MYBPC1: variants seen among roughly 807,000 people sequenced by gnomAD.
MYBPC1 encodes myosin-binding protein C, slow-type.
MYBPC1 carries 52 observed loss-of-function variants against 147.1 expected under a neutral mutation model. That is an observed-to-expected ratio of 0.35 (90% confidence interval 0.28 to 0.45). The LOEUF (loss-of-function observed/expected upper bound fraction) is 0.45, where lower values mean the gene tolerates loss of function less well. Ranked by LOEUF, MYBPC1 falls within the 20% of genes least tolerant of loss-of-function variation. The pLI is 1.00. For missense variants in MYBPC1, 1,228 were observed against 1,440.3 expected, an observed-to-expected ratio of 0.85 and a Z score of 2.39; for synonymous variants, 477 against 475.9, an observed-to-expected ratio of 1.00 and a Z score of -0.03.
Position 101,662,394 on chromosome 12 carries a change from G to A in MYBPC1, c.2069G>A (p.Arg690Lys). ...GAGAGGAAGAAGAAACAAAGCTCCA[G>A]GTGGATGAGGCTGAATTTTGATCTC... Reference protein sequence around the residue: ...FIERKKKQSSRWMRLNFDLCK... With the variant: ...FIERKKKQSSKWMRLNFDLCK... Residue 690 changes from arginine to lysine, a missense_variant, in exon 21 of 32, where the codon AGG becomes AAG. Physicochemically the swap from Arg to Lys is conservative, Grantham distance 26. Coordinates refer to ENST00000361466, the MANE Select transcript of MYBPC1 (RefSeq NM_002465.4). The A allele has an allele frequency of 6.2e-7, 1 of 1,614,192 alleles. No homozygotes were observed. Among genetic ancestry groups the A allele is most frequent in the Non-Finnish European group, 8.5e-7 (1 of 1,180,030 alleles).
intron 3 of MYBPC1, among the ~76,000 whole-genome samples, chr12:101,618,341 T>C (rs7296699): frequency 0.16 from 24,116 of 152,204 alleles, 2,509 homozygotes; most frequent in African/African-American, 0.29. Flanking sequence ...GAGAGTAACA[T>C]GAATACTAAT....
chr12:101,681,667 G>A (rs1310313516), intron 29 of MYBPC1, among the ~76,000 whole-genome samples: 32 of 132,864 alleles, frequency 2.4e-4, no homozygotes, highest in Non-Finnish European at 4.0e-4. Flanking sequence ...GGAGTGGAAG[G>A]GTGCGATCTC....
intron 29 of MYBPC1, among the ~76,000 whole-genome samples, chr12:101,681,864 C>T (rs1253412704): frequency 1.3e-5 from 2 of 151,886 alleles, no homozygotes; most frequent in East Asian, 3.9e-4. Context: ...CTGCCTTGGC[C>T]TCTCAAAGTG....
At chr12:101,676,954 A>T (rs563772741) in intron 26 of MYBPC1, among the ~76,000 whole-genome samples, 1 of 152,310 alleles carries the variant, frequency 6.6e-6, no homozygotes, top group South Asian at 2.1e-4. Flanking sequence ...AGGTTATGAA[A>T]AAATATAAAG....
chr12:101,646,709 A>G (rs749749961), intron 12 of MYBPC1, 54 bp from the exon 13 acceptor site: 8 of 1,599,404 alleles, frequency 5.0e-6, no homozygotes, highest in Middle Eastern at 1.7e-4. Flanking sequence ...GCAATAAAGA[A>G]AAGAATAAAA....
At chr12:101,616,747 T>C (rs1409425137) in intron 2 of MYBPC1, among the ~76,000 whole-genome samples, 5 of 152,218 alleles carry the variant, frequency 3.3e-5, no homozygotes, top group African/African-American at 1.2e-4. Context: ...CAACATACAC[T>C]GCACACAATT....
chr12:101,620,583 T>C (rs1887144022), intron 3 of MYBPC1, among the ~76,000 whole-genome samples: 1 of 152,104 alleles, frequency 6.6e-6, no homozygotes, highest in Non-Finnish European at 1.5e-5. Flanking sequence ...AGTGGGATCA[T>C]ACTTTTTTTT....
At chr12:101,630,236 C>T (rs181300467) in intron 6 of MYBPC1, among the ~76,000 whole-genome samples, 72 of 152,284 alleles carry the variant, frequency 4.7e-4, no homozygotes, top group African/African-American at 1.6e-3. Context: ...TTCCTTTTTA[C>T]GGCTGGATAA....
intron 21 of MYBPC1, among the ~76,000 whole-genome samples, chr12:101,663,160 G>A (rs1335522334): frequency 6.6e-6 from 1 of 152,076 alleles, no homozygotes; most frequent in African/African-American, 2.4e-5. Context: ...CCCAAACCTT[G>A]CCTTCTTCAA....
At chr12:101,600,526 A>G (rs1565872900) in intron 1 of MYBPC1, 1 of 152,172 alleles carries the variant, frequency 6.6e-6, no homozygotes, top group African/African-American at 2.4e-5. Flanking sequence ...AAACAAATAC[A>G]TTCTTCTTTT....
chr12:101,670,519 G>A (rs1477592480), intron 24 of MYBPC1, 110 bp downstream of exon 24: 3 of 914,004 alleles, frequency 3.3e-6, no homozygotes, highest in Non-Finnish European at 5.5e-6. Context: ...TTTCCTCAGA[G>A]GGAGAGGAGG....
At chr12:101,599,121 C>T (rs918167987) in intron 1 of MYBPC1, among the ~76,000 whole-genome samples, 5 of 152,128 alleles carry the variant, frequency 3.3e-5, no homozygotes, top group Non-Finnish European at 4.4e-5. Flanking sequence ...AAAACTCAAA[C>T]GTATGGCCAA....
At chr12:101,629,171 T>A in intron 5 of MYBPC1, 1 of 458,430 alleles carries the variant, frequency 2.2e-6, no homozygotes, top group Non-Finnish European at 4.0e-6. Flanking sequence ...AAAGAGAGAA[T>A]AACAGCTTAC....
intron 12 of MYBPC1, 88 bp from the exon 13 acceptor site, chr12:101,646,675 C>T: frequency 2.0e-6 from 3 of 1,486,094 alleles, no homozygotes; most frequent in Non-Finnish European, 1.9e-6. Flanking sequence ...TCAAACACTA[C>T]CAAATTATAA....
At chr12:101,664,584 C>T (rs1014507535) in intron 22 of MYBPC1, 4 of 152,182 alleles carry the variant, frequency 2.6e-5, no homozygotes, top group African/African-American at 9.7e-5. Flanking sequence ...GGAGATGAAA[C>T]TTCCTATGAA....
intron 29 of MYBPC1, among the ~76,000 whole-genome samples, chr12:101,681,809 G>A (rs11110960): frequency 0.019 from 2,851 of 150,438 alleles, 78 homozygotes; most frequent in South Asian, 0.093. Context: ...GGTTTTTGCC[G>A]TGTTGGCCAG....
rs1951308189 is a variant in MYBPC1 at position 101,685,625 on chromosome 12, A to G, written c.*63A>G. 2 of 1,535,128 alleles carry G rather than the reference A, an allele frequency of 1.3e-6. No individual in the cohort carries two copies. The highest frequency in any genetic ancestry group is 4.9e-5 in the East Asian group (2 of 40,902). On this transcript the variant is annotated 3_prime_UTR_variant, in exon 32 of 32. Transcript: ENST00000361466. ...GACTCCTCTTGCAAGGCGTACCTCC[A>G]AACATAATTGATTCGTATCTGCGAG...
At position 101,675,363 on chromosome 12, in the gene MYBPC1, C is replaced by A; in HGVS notation, c.2881C>A (p.Pro961Thr). 6.2e-7 allele frequency: 1 copy of A among 1,614,116 alleles called. No individual in the cohort carries two copies. The highest frequency in any genetic ancestry group is 8.5e-7 in the Non-Finnish European group (1 of 1,180,002). Reference sequence around the variant, plus strand: ...AGAAAATGTCGCTCTCACATGGACTCCACCAAAGGATGATGGAAATGCTGC... The same window carrying A: ...AGAAAATGTCGCTCTCACATGGACTACACCAAAGGATGATGGAAATGCTGC... ...WGENVALTWTPPKDDGNAAIT... is the reference protein window; with the variant it reads ...WGENVALTWTTPKDDGNAAIT... Residue 961 changes from proline (P) to threonine (T), a missense_variant, in exon 26 of 32, where the codon CCA (proline) becomes ACA (threonine). Pro to Thr is a conservative substitution (Grantham distance 38). This residue lies in a region of MYBPC1 where 1,077 missense variants were observed against 1,314.2 expected (regional missense o/e 0.82). Coordinates refer to ENST00000361466, the MANE Select transcript of MYBPC1 (RefSeq NM_002465.4).
chr12:101,614,386 T>G (rs1430083861), intron 1 of MYBPC1, 110 bp from the exon 2 acceptor site: 1 of 1,143,508 alleles, frequency 8.7e-7, no homozygotes, highest in Non-Finnish European at 1.3e-6. Context: ...CTCTTGTGAG[T>G]ACACACAGGT....
Sources: gnomAD v4.1 joint callset for allele counts (sites outside exome capture counted in the v4.1 genomes callset) on GRCh38, gnomAD v4.1.1 for gene constraint, gnomAD v4.1.1 regional missense constraint, MANE v1.5 for transcripts, NCBI Gene and HGNC (gene_info 2026-07-23, HGNC 2026-07-21) for gene names.